KLHL1: variants seen among roughly 807,000 people sequenced by gnomAD.
KLHL1 encodes kelch-like protein 1.
KLHL1 carries 47 observed loss-of-function variants against 77.7 expected under a neutral mutation model. That is an observed-to-expected ratio of 0.60 (90% CI 0.48 to 0.77). The LOEUF is 0.77. KLHL1 is among the 30% of genes least tolerant of loss of function. KLHL1 has a pLI of 0.00. For missense variants in KLHL1, 925 were observed against 910.8 expected (o/e 1.02, Z -0.20); for synonymous variants, 360 against 325.2 (o/e 1.11, Z -1.15).
chr13:69,781,595 T>C (rs1876212587), intron 7 of KLHL1, among the ~76,000 whole-genome samples: 1 of 152,154 alleles, frequency 6.6e-6, no homozygotes, highest in Admixed American at 6.5e-5. Flanking sequence ...TGCTTGTTGT[T>C]CTCATTAGCT....
intron 2 of KLHL1, among the ~76,000 whole-genome samples, chr13:69,974,027 T>C (rs1484018068): frequency 6.6e-6 from 1 of 151,972 alleles, no homozygotes; most frequent in African/African-American, 2.4e-5. Context: ...TGGTCTTCTT[T>C]AGGTGGGTCT....
chr13:69,983,541 G>A (rs1884773141), intron 1 of KLHL1, among the ~76,000 whole-genome samples: 1 of 125,042 alleles, frequency 8.0e-6, no homozygotes, highest in Non-Finnish European at 1.6e-5. Context: ...ATGAGTTTGA[G>A]ACCATCCTGG....
At chr13:69,775,923 C>T (rs957012471) in intron 7 of KLHL1, among the ~76,000 whole-genome samples, 27 of 151,704 alleles carry the variant, frequency 1.8e-4, no homozygotes, top group Admixed American at 1.1e-3. Context: ...GAGGCCGAGG[C>T]GGGAGGATCA....
chr13:69,895,369 C>T (rs1272156649), intron 4 of KLHL1, among the ~76,000 whole-genome samples: 1 of 152,148 alleles, frequency 6.6e-6, no homozygotes, highest in African/African-American at 2.4e-5. Flanking sequence ...CCCATCTTGC[C>T]TTGGCCACTC....
intron 4 of KLHL1, chr13:69,895,096 T>C (rs1403612489): frequency 4.3e-6 from 2 of 465,464 alleles, no homozygotes; most frequent in Non-Finnish European, 8.5e-6. Context: ...TTTCTTCTTC[T>C]TGCTTTTCTT....
Position 69,995,017 on chromosome 13 carries a change from A to G in KLHL1, c.498-19215T>C, listed in dbSNP as rs74092318. Among the ~76,000 whole-genome samples, 1,279 of 152,214 alleles carry G rather than the reference A, an allele frequency of 8.4e-3. 24 individuals are homozygous for G. Among genetic ancestry groups the G allele is most frequent in the African/African-American group, 0.029 (1,213 of 41,550 alleles). On this transcript the variant is annotated intron_variant, in intron 1 of 10. Transcript: ENST00000377844. The stretch of plus-strand genomic sequence containing the variant: ...CAACAATGTACCAAAGACAGTGTGG[A>G]CACGAGTGTCACTATAGATCCCTGC...
rs1366605727 is a variant in KLHL1, at chr13:69,707,735, C to A, written c.2077G>T (p.Val693Phe). Residue 693 changes from valine (V) to phenylalanine (F), a missense_variant, in exon 10 of 11, where the codon GTT becomes TTT. Coordinates refer to ENST00000377844, the MANE Select transcript of KLHL1 (RefSeq NM_020866.3). ...CTGTCACCAAGGAGACAGACCCCAA[C>A]AGCATCTCTGGGCATACTCAAAGGA... ...VAPLSMPRDA[V>F]GVCLLGDRLY... 1.2e-6 allele frequency: 2 copies of A among 1,612,936 alleles called. No individual in the cohort carries two copies. Among genetic ancestry groups the A allele is most frequent in the Non-Finnish European group, 1.7e-6 (2 of 1,179,256 alleles).
intron 1 of KLHL1, among the ~76,000 whole-genome samples, chr13:70,019,281 G>T (rs1437053715): frequency 1.3e-5 from 2 of 152,120 alleles, no homozygotes; most frequent in African/African-American, 4.8e-5. Flanking sequence ...GGAAAACTCG[G>T]GTGAGCCTGG....
At position 69,994,127 on chromosome 13, in the gene KLHL1, T is replaced by C. The variant is rs558491368; in HGVS notation, c.498-18325A>G. Among the ~76,000 whole-genome samples, 7 of 152,218 alleles carry C rather than the reference T, an allele frequency of 4.6e-5. No individual in the cohort carries two copies. The South Asian group carries it at 6.2e-4, about 14-fold the overall frequency. On this transcript the variant is annotated intron_variant, in intron 1 of 10. Transcript: ENST00000377844. ...AAAGAACTGGGAAGCTTTTATGACC[T>C]AAAATATCTTTTATCTCTAGTAGCA...
At chr13:69,748,230 C>A (rs1226189896) in intron 7 of KLHL1, among the ~76,000 whole-genome samples, 1 of 152,000 alleles carries the variant, frequency 6.6e-6, no homozygotes, top group Non-Finnish European at 1.5e-5. Flanking sequence ...GCCCAAATCC[C>A]AATCCACTGT....
At chr13:69,734,255 TC>T (rs1440354395) in intron 8 of KLHL1, among the ~76,000 whole-genome samples, 1 of 152,020 alleles carries the variant, frequency 6.6e-6, no homozygotes, top group African/African-American at 2.4e-5. Flanking sequence ...ATGTGCCTGC[TC>T]CCCCCTGGCC....
chr13:70,029,908 C>A (rs1375476147), intron 1 of KLHL1, among the ~76,000 whole-genome samples: 1 of 152,020 alleles, frequency 6.6e-6, no homozygotes, highest in Non-Finnish European at 1.5e-5. Flanking sequence ...GAGGAAGATC[C>A]ACCAAGCAAA....
intron 5 of KLHL1, among the ~76,000 whole-genome samples, chr13:69,851,080 G>T (rs1804750673): frequency 9.5e-5 from 1 of 10,560 alleles, no homozygotes; most frequent in Admixed American, 1.1e-3. Context: ...ATACTTAGTA[G>T]TCACAACTGA....
chr13:70,106,282 T>A (rs1407525233), intron 1 of KLHL1, among the ~76,000 whole-genome samples: 1 of 152,198 alleles, frequency 6.6e-6, no homozygotes, highest in East Asian at 1.9e-4. Context: ...AGTTCTTCTT[T>A]AATAATGTAT....
At chr13:69,881,584 T>A (rs554761089) in intron 5 of KLHL1, among the ~76,000 whole-genome samples, 1 of 152,304 alleles carries the variant, frequency 6.6e-6, no homozygotes, top group Non-Finnish European at 1.5e-5. Flanking sequence ...GAGAATTTTG[T>A]AGCAAATTAG....
intron 2 of KLHL1, among the ~76,000 whole-genome samples, chr13:69,967,775 C>G (rs980014128): frequency 6.6e-6 from 1 of 151,736 alleles, no homozygotes; most frequent in African/African-American, 2.4e-5. Context: ...ATCCCAGCTA[C>G]TCAGGTGGCT....
rs77276313 is a variant in KLHL1 at position 70,001,979 on chromosome 13, C to A, written c.498-26177G>T. ...CCAGAAAGACCATATCTTAGAAGAACTAGAAAATAAAGTAAGAGCTAATCT... is the reference window on the plus strand; with the variant it reads ...CCAGAAAGACCATATCTTAGAAGAAATAGAAAATAAAGTAAGAGCTAATCT... On this transcript the variant is annotated intron_variant, in intron 1 of 10. Coordinates refer to ENST00000377844, the MANE Select transcript of KLHL1 (RefSeq NM_020866.3). Among the ~76,000 whole-genome samples, 1,336 of 151,552 alleles carry A rather than the reference C, an allele frequency of 8.8e-3. 8 individuals are homozygous for A. The highest frequency in any genetic ancestry group is 0.015 in the Non-Finnish European group (1,000 of 67,630).
intron 5 of KLHL1, among the ~76,000 whole-genome samples, chr13:69,876,607 C>A (rs1194309939): frequency 6.6e-6 from 1 of 152,142 alleles, no homozygotes; most frequent in African/African-American, 2.4e-5. Context: ...TTTCTTCTAC[C>A]TTTTGCTACA....
At chr13:69,847,404 C>CAAAAA (rs11357077) in intron 5 of KLHL1, among the ~76,000 whole-genome samples, 170 of 145,878 alleles carry the variant, frequency 1.2e-3, no homozygotes, top group African/African-American at 4.1e-3. Context: ...ACTGCATTAG[C>CAAAAA]AAAAAAAAAA....
Sources: gnomAD v4.1 joint callset for allele counts (sites outside exome capture counted in the v4.1 genomes callset) on GRCh38, gnomAD v4.1.1 for gene constraint, MANE v1.5 for transcripts, NCBI Gene and HGNC (gene_info 2026-07-23, HGNC 2026-07-21) for gene names.